Variants in KCNMA1 observed in about 807,000 individuals in gnomAD.
KCNMA1 encodes the protein potassium calcium-activated channel subfamily M alpha 1, also known as Calcium-activated potassium channel subunit alpha-1.
Under a neutral mutation model 140.0 loss-of-function variants are expected in KCNMA1, and 29 were observed. That is an observed-to-expected ratio of 0.21 (90% confidence interval 0.15 to 0.28). KCNMA1 has a LOEUF of 0.28. KCNMA1 is among the 10% of genes least tolerant of loss of function. The pLI, the probability that KCNMA1 is intolerant of heterozygous loss-of-function variation, is 1.00. For missense variants in KCNMA1, 880 were observed against 1,602.2 expected (o/e 0.55, Z 7.70); for synonymous variants, 612 against 611.9 (o/e 1.00, Z 0.00).
chr10:77,048,965 T>C (rs1310635768), intron 14 of KCNMA1, among the ~76,000 whole-genome samples: 2 of 152,030 alleles, frequency 1.3e-5, no homozygotes, highest in Non-Finnish European at 2.9e-5. Context: ...GGGGTTTCAC[T>C]GTGTTAGCCA....
Position 76,879,272 on chromosome 10 carries a change from C to T in KCNMA1, c.3428-1382G>A, listed in dbSNP as rs115415058. 8.5e-3 allele frequency among the ~76,000 whole-genome samples: 1,295 copies of T among 152,232 alleles called. 20 individuals are homozygous for T. The highest frequency in any genetic ancestry group is 0.03 in the African/African-American group (1,235 of 41,520). ...CTGGGATATGCCTGAGTCAAAGCCT[C>T]GCCCCAGTTTAATGCGGCAGCTCAG... On this transcript the variant is annotated intron_variant, in intron 29 of 29. Transcript: ENST00000372403.
chr10:77,240,962 C>T (rs2057115413), intron 3 of KCNMA1, among the ~76,000 whole-genome samples: 1 of 152,298 alleles, frequency 6.6e-6, no homozygotes, highest in Admixed American at 6.5e-5. Flanking sequence ...TTCCAAAACT[C>T]GGGAGAAAAG....
At chr10:77,081,443 A>G (rs926396348) in intron 12 of KCNMA1, among the ~76,000 whole-genome samples, 1 of 152,168 alleles carries the variant, frequency 6.6e-6, no homozygotes, top group Non-Finnish European at 1.5e-5. Context: ...ATGGAATTCC[A>G]CAGAAAGGCC....
At chr10:76,879,383 T>C (rs2033607936) in intron 29 of KCNMA1, among the ~76,000 whole-genome samples, 1 of 152,126 alleles carries the variant, frequency 6.6e-6, no homozygotes, top group Non-Finnish European at 1.5e-5. Context: ...TATAATTAAG[T>C]TCACTTTGAT....
rs551330419 is a variant in KCNMA1, at chr10:76,971,537, G to A, written c.2267-1470C>T. 2.6e-5 allele frequency among the ~76,000 whole-genome samples: 4 copies of A among 152,204 alleles called. No individual in the cohort carries two copies. The East Asian group carries it at 7.7e-4, about 29-fold the overall frequency. On this transcript the variant is annotated intron_variant, in intron 19 of 27. Coordinates refer to ENST00000286628, the MANE Select transcript of KCNMA1 (RefSeq NM_001161352.2). ...TGGGCTTGTCTAAACCCTGGCTGATGCAGGAAAAGGGAATGACTGTGGTGT... is the reference window on the plus strand; with the variant it reads ...TGGGCTTGTCTAAACCCTGGCTGATACAGGAAAAGGGAATGACTGTGGTGT...
chr10:77,068,364 C>T (rs932590106), intron 14 of KCNMA1, among the ~76,000 whole-genome samples: 1 of 152,128 alleles, frequency 6.6e-6, no homozygotes, highest in African/African-American at 2.4e-5. Context: ...TACACATAAA[C>T]ATAACCCAGA....
At chr10:77,368,169 G>A (rs2094477867) in intron 2 of KCNMA1, among the ~76,000 whole-genome samples, 1 of 152,178 alleles carries the variant, frequency 6.6e-6, no homozygotes, top group African/African-American at 2.4e-5. Flanking sequence ...AGTAATGTCT[G>A]AGAGTTCCAG....
At chr10:77,579,983 C>T (rs891232143) in intron 1 of KCNMA1, among the ~76,000 whole-genome samples, 1 of 152,132 alleles carries the variant, frequency 6.6e-6, no homozygotes, top group African/African-American at 2.4e-5. Context: ...AATCACTTTC[C>T]CTCCCCACAC....
chr10:76,998,500 G>A (rs1041493338), intron 19 of KCNMA1, among the ~76,000 whole-genome samples: 9 of 152,120 alleles, frequency 5.9e-5, no homozygotes, highest in African/African-American at 1.9e-4. Flanking sequence ...TAGCATAAAA[G>A]ACAAAGGGCA....
At chr10:77,316,015 C>G (rs2080777367) in intron 2 of KCNMA1, among the ~76,000 whole-genome samples, 1 of 152,158 alleles carries the variant, frequency 6.6e-6, no homozygotes, top group Non-Finnish European at 1.5e-5. Context: ...GAAAATATCT[C>G]CAGTGTGGGA....
intron 1 of KCNMA1, among the ~76,000 whole-genome samples, chr10:77,456,895 T>C (rs946568381): frequency 6.6e-6 from 1 of 152,178 alleles, no homozygotes; most frequent in Non-Finnish European, 1.5e-5. Context: ...ACCAAGAGTA[T>C]AGACACTGTC....
At chr10:77,122,143 A>T (rs2097618125) in intron 5 of KCNMA1, among the ~76,000 whole-genome samples, 2 of 152,226 alleles carry the variant, frequency 1.3e-5, no homozygotes, top group South Asian at 4.1e-4. Flanking sequence ...AGGAATCCTT[A>T]CTACCTTCTA....
intron 6 of KCNMA1, among the ~76,000 whole-genome samples, chr10:77,112,841 C>CAT (rs34600954): frequency 0.15 from 21,928 of 147,288 alleles, 2,112 homozygotes; most frequent in Non-Finnish European, 0.22. Flanking sequence ...TTGCCATGTA[C>CAT]ATATATATAT....
chr10:77,148,885 A>G (rs1054733699), intron 5 of KCNMA1, among the ~76,000 whole-genome samples: 2 of 152,242 alleles, frequency 1.3e-5, no homozygotes, highest in African/African-American at 4.8e-5. Context: ...AGGAATGTTT[A>G]ATTTGAGAAC....
intron 19 of KCNMA1, among the ~76,000 whole-genome samples, chr10:76,987,896 G>A (rs138542345): frequency 1.7e-3 from 263 of 152,250 alleles, no homozygotes; most frequent in African/African-American, 5.8e-3. Flanking sequence ...CTTTAAAATG[G>A]GATAACATGA....
chr10:77,221,235 C>T (rs1192070775), intron 3 of KCNMA1, among the ~76,000 whole-genome samples: 1 of 152,078 alleles, frequency 6.6e-6, no homozygotes, highest in African/African-American at 2.4e-5. Context: ...CCTGAAGAGC[C>T]AAAAGGAAAT....
intron 1 of KCNMA1, among the ~76,000 whole-genome samples, chr10:77,588,653 T>A (rs1257091913): frequency 1.3e-5 from 2 of 152,200 alleles, no homozygotes; most frequent in African/African-American, 4.8e-5. Context: ...TAATATCCTG[T>A]TCTACCCTCA....
chr10:76,944,741 C>A, intron 23 of KCNMA1, 32 bp downstream of exon 23: 2 of 1,592,028 alleles, frequency 1.3e-6, no homozygotes, highest in Non-Finnish European at 1.7e-6. Context: ...CCCCTGCAGG[C>A]ACAGCAAAGA....
At chr10:76,871,920 T>C (rs536718335) in exon 28 of KCNMA1, 5 of 152,334 alleles carry the variant, frequency 3.3e-5, no homozygotes, top group Non-Finnish European at 7.3e-5. Flanking sequence ...AGCTGATTGA[T>C]GGCAGAACCC....
Sources: allele counts gnomAD v4.1 joint callset (sites outside exome capture counted in the v4.1 genomes callset), GRCh38; gene constraint gnomAD v4.1.1; transcripts MANE v1.5; gene names NCBI Gene and HGNC (gene_info 2026-07-23, HGNC 2026-07-21).